MRTFB: variants seen among roughly 807,000 people sequenced by gnomAD.
The protein encoded by MRTFB is myocardin related transcription factor B.
Under a neutral mutation model 104.2 loss-of-function variants are expected in MRTFB, and 29 were observed. The ratio of observed to expected loss-of-function variants is 0.28; its 90% confidence interval spans 0.21 to 0.38. The LOEUF (loss-of-function observed/expected upper bound fraction) is 0.38. Ranked by LOEUF, MRTFB falls within the 10% of genes least tolerant of loss-of-function variation. MRTFB has a pLI of 1.00. For missense variants in MRTFB, 1,270 were observed against 1,341.6 expected (o/e 0.95, Z 0.83); for synonymous variants, 535 against 519.5 (o/e 1.03, Z -0.41).
chr16:14,084,766 G>A lies in MRTFB; in HGVS notation c.-64+5412G>A, dbSNP rs117472825. Among the ~76,000 whole-genome samples the A allele has an allele frequency of 9.4e-3, 1,434 of 152,266 alleles. 11 individuals carry two copies. Among genetic ancestry groups the A allele is most frequent in the Middle Eastern group, 0.024 (7 of 294 alleles). The stretch of plus-strand genomic sequence containing the variant: ...GATTTTAACAGTTTCTGATATGAGT[G>A]TGATCTTTAATTTTATATTTGCCTT... On this transcript the variant is annotated intron_variant, in intron 2 of 16. Transcript: ENST00000571589.
intron 2 of MRTFB, among the ~76,000 whole-genome samples, chr16:14,111,240 G>A (rs1341140444): frequency 6.6e-6 from 1 of 152,188 alleles, no homozygotes; most frequent in South Asian, 2.1e-4. Flanking sequence ...ACCCTGGAAA[G>A]AAGAAAATAA....
chr16:14,256,210 C>CAAAAAAAAA lies in MRTFB; in HGVS notation c.2704-1891_2704-1890insAAAAAAAAA. Among the ~76,000 whole-genome samples, 3 of 107,668 alleles carry CAAAAAAAAA rather than the reference C, an allele frequency of 2.8e-5. 1 individual carries two copies. The highest frequency in any genetic ancestry group is 1.7e-4 in the African/African-American group (3 of 17,192). 70.6% of individuals were successfully genotyped at this position (107,668 alleles called of 152,430 possible). A position where few individuals can be genotyped will look rare whatever the true frequency, so the allele number is the denominator to read the frequency against. On this transcript the variant is annotated intron_variant, in intron 15 of 16. Coordinates refer to ENST00000571589, the MANE Select transcript of MRTFB (RefSeq NM_001308142.2). The stretch of plus-strand genomic sequence containing the variant: ...ACAGGATAACAAAAAAAAAAAAAAC[C>CAAAAAAAAA]CCAGATGGGATGAATAGAAGACAAA...
intron 3 of MRTFB, among the ~76,000 whole-genome samples, chr16:14,169,190 G>T (rs540659777): frequency 2.6e-5 from 4 of 152,074 alleles, no homozygotes; most frequent in African/African-American, 9.6e-5. Flanking sequence ...GTCATTTTTT[G>T]ACATATTTCA....
In MRTFB at chr16:14,234,196, T is replaced by C; in HGVS notation, c.744T>C (p.Thr248=). 1 of 1,614,170 alleles carries C rather than the reference T, an allele frequency of 6.2e-7. No individual in the cohort carries two copies. Among genetic ancestry groups the C allele is most frequent in the Non-Finnish European group, 8.5e-7 (1 of 1,180,022 alleles). The change falls in exon 9 of 17, where the codon ACT becomes ACC. Residue 248 remains threonine (T), a synonymous_variant. Transcript: ENST00000571589. The part of the protein sequence containing the change: ...TVPEFLKTPP[T]ADQPPPRPAA... The stretch of plus-strand genomic sequence containing the variant: ...CTGAATTCTTGAAAACTCCTCCAAC[T>C]GCAGATCAGCCTCCCCCACGGCCTG...
chr16:13,997,221 T>A, the MRTFB span, among the ~76,000 whole-genome samples: 3 of 152,084 alleles, frequency 2.0e-5, no homozygotes, highest in Non-Finnish European at 2.9e-5. Flanking sequence ...AATGTTCACA[T>A]GCAATGGCTT....
intron 3 of MRTFB, chr16:14,151,416 TGAAAA>T (rs2038609120): frequency 6.6e-6 from 1 of 152,206 alleles, no homozygotes; most frequent in South Asian, 2.1e-4. Flanking sequence ...ACACATTTAT[TGAAAA>T]GAATCCAAAT....
At chr16:14,170,651 A>G (rs923295474) in intron 3 of MRTFB, among the ~76,000 whole-genome samples, 1 of 152,242 alleles carries the variant, frequency 6.6e-6, no homozygotes, top group African/African-American at 2.4e-5. Flanking sequence ...ATACATATAT[A>G]TCAGAGTATA....
At chr16:14,071,257 T>C (rs2033663112), upstream of MRTFB, 1 of 153,058 alleles carries the variant, frequency 6.5e-6, no homozygotes, top group Non-Finnish European at 1.5e-5. Context: ...GAGCCGCTTC[T>C]AGCCTGGGGT....
chr16:13,996,026 C>T, the MRTFB span, among the ~76,000 whole-genome samples: 2 of 152,166 alleles, frequency 1.3e-5, no homozygotes, highest in African/African-American at 2.4e-5. Context: ...AATCCTATCA[C>T]TTTGGGAGGC....
chr16:14,171,854 TTCAG>T (rs2150973488), intron 3 of MRTFB, among the ~76,000 whole-genome samples: 1 of 152,270 alleles, frequency 6.6e-6, no homozygotes, highest in African/African-American at 2.4e-5. Context: ...CAAACTGGAG[TTCAG>T]TATTTGTTCA....
chr16:14,141,835 A>G (rs1016384518), intron 3 of MRTFB: 2 of 148,812 alleles, frequency 1.3e-5, no homozygotes, highest in Non-Finnish European at 3.0e-5. Context: ...GACCATTTTG[A>G]TAGGTGTTTT....
intron 6 of MRTFB, among the ~76,000 whole-genome samples, chr16:14,215,404 T>C (rs1346034603): frequency 6.6e-6 from 1 of 152,236 alleles, no homozygotes; most frequent in Non-Finnish European, 1.5e-5. Context: ...GGCAAGGGTC[T>C]AAGTTACTTC....
chr16:14,026,500 T>G, the MRTFB span, among the ~76,000 whole-genome samples: 2 of 152,202 alleles, frequency 1.3e-5, no homozygotes, highest in African/African-American at 4.8e-5. Flanking sequence ...TGAGGAGTTC[T>G]TACACATTAC....
intron 2 of MRTFB, among the ~76,000 whole-genome samples, chr16:14,127,747 T>C (rs1259439511): frequency 6.6e-6 from 1 of 150,974 alleles, no homozygotes; most frequent in Non-Finnish European, 1.5e-5. Flanking sequence ...AGAACCACTC[T>C]ACTCCTTTCC....
At chr16:14,010,981 G>A in the MRTFB span, among the ~76,000 whole-genome samples, 2 of 152,218 alleles carry the variant, frequency 1.3e-5, no homozygotes, top group African/African-American at 2.4e-5. Context: ...TAATGAAGAT[G>A]ACTGAGGGGT....
chr16:14,021,582 C>G, the MRTFB span, among the ~76,000 whole-genome samples: 3,432 of 152,216 alleles, frequency 0.023, 118 homozygotes, highest in African/African-American at 0.078. Flanking sequence ...CCTTCCCACC[C>G]TTTCCCTCTG....
intron 2 of MRTFB, among the ~76,000 whole-genome samples, chr16:14,121,529 G>A (rs1384099169): frequency 6.6e-6 from 1 of 152,178 alleles, no homozygotes; most frequent in Non-Finnish European, 1.5e-5. Context: ...ATAAGTTAGA[G>A]AAAATTGACT....
At chr16:14,208,512 GATTCTCCAACAGAC>G (rs773953323) in intron 3 of MRTFB, among the ~76,000 whole-genome samples, 7 of 152,270 alleles carry the variant, frequency 4.6e-5, no homozygotes, top group Non-Finnish European at 8.8e-5. Flanking sequence ...TCCTGCTAGA[GATTCTCCAACAGAC>G]ATGGACCACC....
chr16:14,220,751 TGCAGACCACATTA>T (rs2041656696), intron 8 of MRTFB, among the ~76,000 whole-genome samples: 3 of 152,220 alleles, frequency 2.0e-5, no homozygotes, highest in Non-Finnish European at 2.9e-5. Flanking sequence ...GCCTGTTACA[TGCAGACCACATTA>T]ACAGTCAGCT....
Sources: allele counts gnomAD v4.1 joint callset (sites outside exome capture counted in the v4.1 genomes callset), GRCh38; gene constraint gnomAD v4.1.1; transcripts MANE v1.5; gene names NCBI Gene and HGNC (gene_info 2026-07-23, HGNC 2026-07-21).